Variants in PDIA6 observed in about 807,000 individuals in gnomAD.
The protein encoded by PDIA6 is protein disulfide-isomerase A6.
In PDIA6, 29 loss-of-function variants were observed where a neutral mutation model predicts 58.4. The ratio of observed to expected loss-of-function variants is 0.50; its 90% CI spans 0.37 to 0.68. The LOEUF is 0.68. PDIA6 is among the 30% of genes least tolerant of loss of function. The probability of loss-of-function intolerance (pLI) is 0.00; values close to 1 mark genes in which losing one functional copy is unlikely to be tolerated. For missense variants in PDIA6, 480 were observed against 551.0 expected, an observed-to-expected ratio of 0.87 and a Z score of 1.29; for synonymous variants, 192 against 202.6, an observed-to-expected ratio of 0.95 and a Z score of 0.44.
At chr2:10,791,350 T>C (rs1666027582) in intron 6 of PDIA6, among the ~76,000 whole-genome samples, 1 of 152,168 alleles carries the variant, frequency 6.6e-6, no homozygotes, top group South Asian at 2.1e-4. Flanking sequence ...TTTGCTATGT[T>C]GCCCAGGCTG....
intron 1 of PDIA6, among the ~76,000 whole-genome samples, chr2:10,826,306 T>C (rs1667553639): frequency 6.6e-6 from 1 of 152,182 alleles, no homozygotes; most frequent in Admixed American, 6.5e-5. Flanking sequence ...TGTCTAGGGC[T>C]GGGAGTTGGG....
At chr2:10,824,703 C>T (rs1321289587) in intron 1 of PDIA6, among the ~76,000 whole-genome samples, 1 of 152,262 alleles carries the variant, frequency 6.6e-6, no homozygotes, top group African/African-American at 2.4e-5. Context: ...AGAGCTGAAA[C>T]AGTCACGGAG....
chr2:10,806,948 A>G (rs1558452823), intron 1 of PDIA6, among the ~76,000 whole-genome samples: 1 of 152,228 alleles, frequency 6.6e-6, no homozygotes, highest in African/African-American at 2.4e-5. Context: ...GTTTGTATTA[A>G]GTACACACTG....
chr2:10,836,694 T>C (rs1667839038), upstream of PDIA6, among the ~76,000 whole-genome samples: 1 of 152,138 alleles, frequency 6.6e-6, no homozygotes, highest in Admixed American at 6.5e-5. Context: ...AAAAGAAACC[T>C]GTGCCAATCT....
intron 2 of PDIA6, among the ~76,000 whole-genome samples, chr2:10,801,231 T>C (rs1394758270): frequency 6.6e-6 from 1 of 152,152 alleles, no homozygotes; most frequent in African/African-American, 2.4e-5. Flanking sequence ...TGAGCCGTGA[T>C]CATGCTGCTG....
intron 1 of PDIA6, among the ~76,000 whole-genome samples, chr2:10,828,889 A>G (rs1667630188): frequency 6.6e-6 from 1 of 152,194 alleles, no homozygotes; most frequent in Non-Finnish European, 1.5e-5. Flanking sequence ...TGACCAGCAA[A>G]GCAGGGCTTC....
upstream of PDIA6, among the ~76,000 whole-genome samples, chr2:10,834,914 G>A (rs558801012): frequency 4.0e-5 from 6 of 151,880 alleles, no homozygotes; most frequent in African/African-American, 1.2e-4. Context: ...TTACAGGCAC[G>A]CACCACCATG....
Position 10,797,219 on chromosome 2 carries a change from TAA to T in PDIA6, c.220-14_220-13del. The T allele has an allele frequency of 6.2e-7, 1 of 1,602,502 alleles. No homozygotes were observed. Among genetic ancestry groups the T allele is most frequent in the Non-Finnish European group, 8.5e-7 (1 of 1,176,034 alleles). On this transcript the variant is annotated splice_polypyrimidine_tract_variant and intron_variant, in intron 3 of 12. Coordinates refer to ENST00000272227, the MANE Select transcript of PDIA6 (RefSeq NM_005742.4). ...ACTTTGACAACATCCTGTGGAAATG[TAA>T]AAGAAATAACAATTTTTCCTTCCGC...
At chr2:10,807,957 T>G (rs1391896004) in intron 1 of PDIA6, among the ~76,000 whole-genome samples, 1 of 152,258 alleles carries the variant, frequency 6.6e-6, no homozygotes, top group African/African-American at 2.4e-5. Context: ...ATTTCCAAGC[T>G]TTTCCTATTA....
At chr2:10,792,930 G>T (rs545012298) in intron 5 of PDIA6, among the ~76,000 whole-genome samples, 166 bp downstream of exon 5, 34 of 152,346 alleles carry the variant, frequency 2.2e-4, no homozygotes, top group African/African-American at 8.2e-4. Flanking sequence ...AAATGAGCAG[G>T]CTGGAGGGCT....
intron 12 of PDIA6, 115 bp downstream of exon 12, chr2:10,784,819 G>T: frequency 1.4e-6 from 1 of 720,868 alleles, no homozygotes; most frequent in Non-Finnish European, 2.4e-6. Context: ...AAGGCCCACG[G>T]GTGCACCAGG....
At chr2:10,832,047 ATTCAT>A (rs1667725369) in intron 1 of PDIA6, among the ~76,000 whole-genome samples, 1 of 149,060 alleles carries the variant, frequency 6.7e-6, no homozygotes, top group Admixed American at 6.7e-5. Flanking sequence ...AGAGGAGAGA[ATTCAT>A]TTCAACAGAT....
upstream of PDIA6, among the ~76,000 whole-genome samples, chr2:10,814,215 G>A (rs1667120319): frequency 6.6e-6 from 1 of 152,210 alleles, no homozygotes; most frequent in African/African-American, 2.4e-5. Context: ...GGGCTTCCTG[G>A]AGGAAGTGGC....
chr2:10,788,815 C>G (rs985918457), intron 9 of PDIA6, 46 bp from the exon 10 acceptor site: 4 of 1,558,628 alleles, frequency 2.6e-6, no homozygotes, highest in Non-Finnish European at 2.7e-6. Context: ...ATAAAGGAGT[C>G]CATAAAATTA....
At chr2:10,828,430 G>A (rs954231277) in intron 1 of PDIA6, among the ~76,000 whole-genome samples, 1 of 152,192 alleles carries the variant, frequency 6.6e-6, no homozygotes, top group African/African-American at 2.4e-5. Context: ...CATGGGCACA[G>A]CCTGGAGCAC....
intron 11 of PDIA6, among the ~76,000 whole-genome samples, chr2:10,786,184 G>GT (rs1665736298): frequency 6.6e-6 from 1 of 152,112 alleles, no homozygotes; most frequent in Non-Finnish European, 1.5e-5. Flanking sequence ...TTAGCTGGGC[G>GT]TGGTGGCAGG....
intron 1 of PDIA6, among the ~76,000 whole-genome samples, chr2:10,808,834 C>T (rs1163303124): frequency 6.6e-6 from 1 of 151,608 alleles, no homozygotes; most frequent in East Asian, 1.9e-4. Flanking sequence ...CATTATTTTT[C>T]TTTTTTTTTG....
chr2:10,819,966 T>C (rs147999480), intron 1 of PDIA6, among the ~76,000 whole-genome samples: 4 of 152,278 alleles, frequency 2.6e-5, no homozygotes, highest in African/African-American at 7.2e-5. Context: ...GGGGCCACCA[T>C]GTGTTGTGTT....
At chr2:10,817,263 A>C (rs1329723658), upstream of PDIA6, among the ~76,000 whole-genome samples, 2 of 152,350 alleles carry the variant, frequency 1.3e-5, no homozygotes, top group East Asian at 3.9e-4. Context: ...TATTAGCAGC[A>C]AGTCACTTGC....
Sources: gnomAD v4.1 joint callset for allele counts (sites outside exome capture counted in the v4.1 genomes callset) on GRCh38, gnomAD v4.1.1 for gene constraint, MANE v1.5 for transcripts, NCBI Gene and HGNC (gene_info 2026-07-23, HGNC 2026-07-21) for gene names.